Variants in LRP1B observed in about 807,000 individuals in gnomAD.
The protein encoded by LRP1B is LDL receptor related protein 1B.
LRP1B carries 217 observed loss-of-function variants against 556.6 expected under a neutral mutation model. The ratio of observed to expected loss-of-function variants is 0.39; its 90% CI spans 0.35 to 0.44. LRP1B has a LOEUF of 0.44. LRP1B is among the 20% of genes least tolerant of loss of function. LRP1B has a pLI of 1.00. For missense variants in LRP1B, 5,053 were observed against 5,620.8 expected, an observed-to-expected ratio of 0.90 and a Z score of 3.23; for synonymous variants, 2,047 against 1,865.8, an observed-to-expected ratio of 1.10 and a Z score of -2.50.
intron 1 of LRP1B, among the ~76,000 whole-genome samples, chr2:141,838,825 T>C (rs1199021972): frequency 6.6e-6 from 1 of 152,172 alleles, no homozygotes; most frequent in African/African-American, 2.4e-5. Flanking sequence ...AAATTGATTA[T>C]GAGATTTGGA....
rs1559005754 is a variant in LRP1B at position 140,613,352 on chromosome 2, A to AATAATTATATACATATAAATATAT, written c.6800-11714_6800-11713insATATATTTATATGTATATAATTAT. The stretch of plus-strand genomic sequence containing the variant: ...ATATAATTATATACATATAAATATA[A>AATAATTATATACATATAAATATAT]ATAATTATATAAATATAAATATATA... On this transcript the variant is annotated intron_variant, in intron 41 of 90. Coordinates refer to ENST00000389484, the MANE Select transcript of LRP1B (RefSeq NM_018557.3). Among the ~76,000 whole-genome samples, 53 of 88,846 alleles carry AATAATTATATACATATAAATATAT rather than the reference A, an allele frequency of 6.0e-4. 7 individuals carry two copies. Among genetic ancestry groups the AATAATTATATACATATAAATATAT allele is most frequent in the Non-Finnish European group, 1.1e-3 (43 of 39,178 alleles). The allele number at this position is 88,846 out of a possible 152,430, so 58.3% of individuals were successfully genotyped here.
intron 1 of LRP1B, among the ~76,000 whole-genome samples, chr2:141,811,007 T>C (rs1049516133): frequency 1.5e-4 from 23 of 152,130 alleles, no homozygotes; most frequent in African/African-American, 5.1e-4. Flanking sequence ...ATAAAGGTTT[T>C]TTTTCTAACT....
chr2:140,984,092 A>G (rs1191467606), intron 17 of LRP1B, among the ~76,000 whole-genome samples: 3 of 151,860 alleles, frequency 2.0e-5, no homozygotes, highest in Non-Finnish European at 2.9e-5. Context: ...AGGATATAGA[A>G]ATATACACAA....
chr2:140,445,663 G>A (rs1686626628), intron 63 of LRP1B, among the ~76,000 whole-genome samples: 1 of 151,990 alleles, frequency 6.6e-6, no homozygotes, highest in Admixed American at 6.6e-5. Flanking sequence ...TATGTATCAG[G>A]CACTGGGCTA....
At chr2:141,139,755 A>C (rs925290580) in intron 7 of LRP1B, among the ~76,000 whole-genome samples, 11 of 150,894 alleles carry the variant, frequency 7.3e-5, no homozygotes, top group African/African-American at 9.7e-5. Context: ...GTAGAAATGT[A>C]AAAAAAGTAC....
intron 73 of LRP1B, 118 bp downstream of exon 73, chr2:140,358,703 C>T: frequency 9.4e-7 from 1 of 1,064,232 alleles, no homozygotes; most frequent in South Asian, 1.5e-5. Flanking sequence ...GATCAAATGT[C>T]TGAAAATAAT....
chr2:142,032,745 T>C (rs1703751148), intron 1 of LRP1B, among the ~76,000 whole-genome samples: 1 of 151,814 alleles, frequency 6.6e-6, no homozygotes, highest in Non-Finnish European at 1.5e-5. Flanking sequence ...GTTTCAAAAT[T>C]TAGGGACCAT....
chr2:141,315,229 G>T (rs1686981599), intron 3 of LRP1B, among the ~76,000 whole-genome samples: 1 of 143,732 alleles, frequency 7.0e-6, no homozygotes, highest in African/African-American at 2.5e-5. Context: ...CAAGATTGTT[G>T]TGAGAATTAA....
intron 1 of LRP1B, among the ~76,000 whole-genome samples, chr2:141,876,603 T>G (rs1212448815): frequency 1.3e-5 from 2 of 151,410 alleles, no homozygotes; most frequent in East Asian, 3.9e-4. Context: ...ACTTTTCTAG[T>G]CTTCTTAACC....
intron 2 of LRP1B, among the ~76,000 whole-genome samples, chr2:141,789,229 G>T (rs1315577654): frequency 6.6e-6 from 1 of 151,830 alleles, no homozygotes; most frequent in African/African-American, 2.4e-5. Context: ...TTATAGGAGG[G>T]GGGTGTCCAG....
chr2:141,225,147 T>C (rs923510128), intron 6 of LRP1B, among the ~76,000 whole-genome samples: 4 of 152,084 alleles, frequency 2.6e-5, no homozygotes, highest in Admixed American at 2.6e-4. Flanking sequence ...AGAAGCTAAA[T>C]CCATGAAGAA....
At chr2:140,296,962 G>T (rs1251961732) in intron 84 of LRP1B, among the ~76,000 whole-genome samples, 1 of 151,220 alleles carries the variant, frequency 6.6e-6, no homozygotes, top group African/African-American at 2.5e-5. Flanking sequence ...TTACAAAAAA[G>T]AGATGTGGGC....
chr2:140,233,962 T>C (rs968405253), intron 90 of LRP1B, among the ~76,000 whole-genome samples: 1 of 151,320 alleles, frequency 6.6e-6, no homozygotes, highest in African/African-American at 2.4e-5. Context: ...ATTAGAGGCA[T>C]GCAGCAGCTG....
intron 41 of LRP1B, among the ~76,000 whole-genome samples, chr2:140,694,277 T>G (rs976760454): frequency 6.6e-6 from 1 of 152,104 alleles, no homozygotes; most frequent in African/African-American, 2.4e-5. Context: ...TACTTTATAT[T>G]TTTTTAATTA....
chr2:140,328,733 T>TA (rs531050395), intron 79 of LRP1B, among the ~76,000 whole-genome samples: 61 of 152,204 alleles, frequency 4.0e-4, no homozygotes, highest in African/African-American at 1.4e-3. Flanking sequence ...AAATTTATTT[T>TA]AAAAAATTGT....
intron 7 of LRP1B, among the ~76,000 whole-genome samples, chr2:141,148,847 G>T (rs182947729): frequency 3.3e-5 from 5 of 152,286 alleles, no homozygotes; most frequent in Admixed American, 1.3e-4. Context: ...ACTGTGGGAG[G>T]CCGAGGCAGG....
intron 43 of LRP1B, among the ~76,000 whole-genome samples, chr2:140,572,614 C>G (rs1420857294): frequency 6.6e-6 from 1 of 151,560 alleles, no homozygotes; most frequent in African/African-American, 2.4e-5. Flanking sequence ...AACCAGCAAT[C>G]CTGCAACTGA....
At chr2:141,465,251 G>T (rs192443973) in intron 3 of LRP1B, among the ~76,000 whole-genome samples, 141 of 152,158 alleles carry the variant, frequency 9.3e-4, no homozygotes, top group Middle Eastern at 3.4e-3. Context: ...GTATTTGAAG[G>T]CATAAAACTG....
At chr2:140,364,154 A>T (rs545423983) in intron 72 of LRP1B, among the ~76,000 whole-genome samples, 1 of 151,788 alleles carries the variant, frequency 6.6e-6, no homozygotes, top group South Asian at 2.1e-4. Flanking sequence ...TCCTAATTTC[A>T]GTTCTGTGTT....
Sources: allele counts gnomAD v4.1 joint callset (sites outside exome capture counted in the v4.1 genomes callset), GRCh38; gene constraint gnomAD v4.1.1; transcripts MANE v1.5; gene names NCBI Gene and HGNC (gene_info 2026-07-23, HGNC 2026-07-21).